The following CTDSPL variants were observed in gnomAD, a reference collection of about 807,000 sequenced individuals.
CTDSPL encodes CTD small phosphatase-like protein.
Under a neutral mutation model 30.5 loss-of-function variants are expected in CTDSPL, and 8 were observed. The observed-to-expected ratio is 0.26, with a 90% confidence interval of 0.15 to 0.47. The LOEUF is 0.47. Among genes scored for constraint, CTDSPL ranks in the 20% least tolerant of loss-of-function variants. The pLI, the probability that CTDSPL is intolerant of heterozygous loss-of-function variation, is 0.99. For missense variants in CTDSPL, 248 were observed against 366.1 expected (o/e 0.68, Z 2.63); for synonymous variants, 110 against 137.9 (o/e 0.80, Z 1.42).
intron 1 of CTDSPL, among the ~76,000 whole-genome samples, chr3:37,923,260 A>G (rs1053955240): frequency 6.6e-6 from 1 of 152,210 alleles, no homozygotes; most frequent in African/African-American, 2.4e-5. Flanking sequence ...TGAGGGTGGT[A>G]TCCACATTTC....
intron 1 of CTDSPL, among the ~76,000 whole-genome samples, chr3:37,910,960 G>A (rs1418946529): frequency 3.3e-5 from 5 of 152,224 alleles, no homozygotes; most frequent in Non-Finnish European, 5.9e-5. Flanking sequence ...TTCCCCTGCT[G>A]TGGGAAGGCA....
intron 1 of CTDSPL, among the ~76,000 whole-genome samples, chr3:37,881,571 T>C (rs1370871964): frequency 1.3e-5 from 2 of 152,110 alleles, no homozygotes; most frequent in African/African-American, 4.8e-5. Flanking sequence ...AATTGATACA[T>C]GTTCAAATAA....
rs1210432376 is a variant in CTDSPL, at chr3:37,939,126, C to T, written c.80-7931C>T. On this transcript the variant is annotated intron_variant, in intron 1 of 7. Transcript: ENST00000273179. The stretch of plus-strand genomic sequence containing the variant: ...AAAGCCAGGCTGTTTTTGTGAGGAC[C>T]GTTGTCTGGATACAAGCTAAATTCT... Among the ~76,000 whole-genome samples, 9 of 150,180 alleles carry T rather than the reference C, an allele frequency of 6.0e-5. 2 individuals carry two copies. The South Asian group carries it at 8.6e-4, about 14-fold the overall frequency.
intron 3 of CTDSPL, among the ~76,000 whole-genome samples, chr3:37,960,529 T>TACAC (rs1379606753): frequency 8.4e-5 from 5 of 59,746 alleles, no homozygotes; most frequent in Admixed American, 2.3e-4. Flanking sequence ...TATATATATA[T>TACAC]ATATATACAC....
chr3:37,892,934 G>A lies in CTDSPL; in HGVS notation c.79+30656G>A, dbSNP rs199938280. ...AGGTGATCTTTAGGGAAAAGAGTTT[G>A]AGAGTGAGAGCAGCGGTGAACATGC... On this transcript the variant is annotated intron_variant, in intron 1 of 7. Coordinates refer to ENST00000273179, the MANE Select transcript of CTDSPL (RefSeq NM_001008392.2). Among the ~76,000 whole-genome samples the A allele has an allele frequency of 2.0e-5, 3 of 152,366 alleles. No individual in the cohort carries two copies. The East Asian group carries it at 5.8e-4, about 29-fold the overall frequency.
intron 2 of CTDSPL, among the ~76,000 whole-genome samples, chr3:37,955,612 G>A (rs540525667): frequency 6.6e-4 from 101 of 152,206 alleles, no homozygotes; most frequent in African/African-American, 1.1e-3. Flanking sequence ...AATACCGCAC[G>A]TTCTCACTTA....
At chr3:37,940,673 G>A (rs35389450) in intron 1 of CTDSPL, among the ~76,000 whole-genome samples, 2,916 of 150,504 alleles carry the variant, frequency 0.019, 236 homozygotes, top group Middle Eastern at 0.035. Context: ...GGTGGGTCAC[G>A]TGCCCATCCC....
At chr3:37,883,663 T>A (rs1698232947) in intron 1 of CTDSPL, among the ~76,000 whole-genome samples, 1 of 152,236 alleles carries the variant, frequency 6.6e-6, no homozygotes, top group African/African-American at 2.4e-5. Context: ...ACAGGTGGTG[T>A]TACTTCTTCT....
chr3:37,954,909 T>C (rs1699153515), intron 2 of CTDSPL: 1 of 152,196 alleles, frequency 6.6e-6, no homozygotes, highest in Non-Finnish European at 1.5e-5. Context: ...CATACATACA[T>C]GTAAGCTTCT....
At chr3:37,974,286 C>T (rs898264868) in intron 6 of CTDSPL, among the ~76,000 whole-genome samples, 4 of 152,238 alleles carry the variant, frequency 2.6e-5, no homozygotes, top group African/African-American at 9.6e-5. Context: ...GACTCTGCCT[C>T]CTACAGGATG....
At chr3:37,876,181 C>T (rs1698132583) in intron 1 of CTDSPL, among the ~76,000 whole-genome samples, 3 of 151,930 alleles carry the variant, frequency 2.0e-5, no homozygotes, top group Admixed American at 2.0e-4. Flanking sequence ...GAGGTGGAGG[C>T]TGTAGTGAGC....
At chr3:37,971,638 T>A in intron 6 of CTDSPL, 139 bp downstream of exon 6, 1 of 719,876 alleles carries the variant, frequency 1.4e-6, no homozygotes, top group Admixed American at 2.2e-5. Flanking sequence ...CCAGATGGGA[T>A]GGATGCAGGC....
At chr3:37,918,879 C>G (rs780074099) in intron 1 of CTDSPL, among the ~76,000 whole-genome samples, 9 of 152,130 alleles carry the variant, frequency 5.9e-5, no homozygotes, top group African/African-American at 7.2e-5. Context: ...GGAGGGGAAA[C>G]AGGCCCTGCA....
intron 1 of CTDSPL, among the ~76,000 whole-genome samples, chr3:37,883,051 C>G (rs376164271): frequency 6.6e-6 from 1 of 152,294 alleles, no homozygotes; most frequent in African/African-American, 2.4e-5. Context: ...TTTGCCAGTT[C>G]TACCTTGTTA....
At chr3:37,909,212 C>T (rs1054650507) in intron 1 of CTDSPL, among the ~76,000 whole-genome samples, 1 of 152,216 alleles carries the variant, frequency 6.6e-6, no homozygotes, top group Non-Finnish European at 1.5e-5. Flanking sequence ...AGCCAGGTTC[C>T]AGTCCCTGCC....
At position 37,884,150 on chromosome 3, in the gene CTDSPL, A is replaced by G. The variant is rs573968938; in HGVS notation, c.79+21872A>G. The stretch of plus-strand genomic sequence containing the variant: ...ATAATCTCACAGAAATATTCAACAC[A>G]GGATTACCTATAATAGCAAAAAATA... On this transcript the variant is annotated intron_variant, in intron 1 of 7. Transcript: ENST00000273179. 2.6e-5 allele frequency among the ~76,000 whole-genome samples: 4 copies of G among 152,336 alleles called. No individual in the cohort carries two copies. In the South Asian group the frequency reaches 8.3e-4, roughly 32 times the overall value.
chr3:37,953,498 A>G (rs1699133621), intron 2 of CTDSPL, among the ~76,000 whole-genome samples: 2 of 152,232 alleles, frequency 1.3e-5, no homozygotes. Flanking sequence ...TATTTGGTGG[A>G]CAGTGCTAAT....
chr3:37,900,477 AAAG>A, intron 1 of CTDSPL, among the ~76,000 whole-genome samples: 1 of 152,354 alleles, frequency 6.6e-6, no homozygotes, highest in Non-Finnish European at 1.5e-5. Context: ...AGATTTGAAG[AAAG>A]AAAGGGAAAG....
chr3:37,941,805 C>T (rs1203889217), intron 1 of CTDSPL, among the ~76,000 whole-genome samples: 1 of 150,304 alleles, frequency 6.7e-6, no homozygotes, highest in East Asian at 1.9e-4. Context: ...TTGGGGGACC[C>T]GGCAGGGGAG....
Sources: gnomAD v4.1 joint callset for allele counts (sites outside exome capture counted in the v4.1 genomes callset) on GRCh38, gnomAD v4.1.1 for gene constraint, MANE v1.5 for transcripts, NCBI Gene and HGNC (gene_info 2026-07-23, HGNC 2026-07-21) for gene names.